DNAH17: variants seen among roughly 807,000 people sequenced by gnomAD.
The protein encoded by DNAH17 is dynein axonemal heavy chain 17, also known as axonemal beta dynein heavy chain 17.
A neutral mutation model predicts 485.6 loss-of-function variants in DNAH17; 376 were observed. That is an observed-to-expected ratio of 0.77 (90% CI 0.71 to 0.84). The LOEUF is 0.84. Among genes scored for constraint, DNAH17 ranks in the 40% least tolerant of loss-of-function variants. DNAH17 has a pLI of 0.00. For synonymous variants in DNAH17, 3,031 were observed against 2,405.9 expected, an observed-to-expected ratio of 1.26 and a Z score of -7.60; for missense variants, 6,370 against 5,839.3, an observed-to-expected ratio of 1.09 and a Z score of -2.96.
chr17:78,500,211 T>C (rs2090226680), intron 36 of DNAH17, 94 bp downstream of exon 36: 1 of 1,368,858 alleles, frequency 7.3e-7, no homozygotes, highest in Non-Finnish European at 9.8e-7. Flanking sequence ...TCCAGAGATC[T>C]GGAGTTTACT....
Position 78,490,735 on chromosome 17 carries a change from A to G in DNAH17, c.6782T>C (p.Ile2261Thr). Reference protein sequence around the residue: ...ATPATVSRAGILYINPADLGW... With the variant: ...ATPATVSRAGTLYINPADLGW... The stretch of plus-strand genomic sequence containing the variant: ...CAGGTCGGCTGGGTTGATGTAGAGG[A>G]TGCCGGCTCTGGAAACGGTGGCTGG... Residue 2261 changes from isoleucine to threonine, a missense_variant, in exon 44 of 81, where the codon ATC becomes ACC. Transcript: ENST00000389840. 6.2e-7 allele frequency: 1 copy of G among 1,607,998 alleles called. No homozygotes were observed. Among genetic ancestry groups the G allele is most frequent in the Non-Finnish European group, 8.5e-7 (1 of 1,177,312 alleles).
chr17:78,485,716 G>A lies in DNAH17; in HGVS notation c.7317C>T (p.Tyr2439=), dbSNP rs1486376694. 1 of 1,614,042 alleles carries A rather than the reference G, an allele frequency of 6.2e-7. No homozygotes were observed. ...VHTTETIRIR[Y]FMDLLMEKSW... ...ACTTCTCCATGAGCAGGTCCATGAAGTAGCGGATGCGGATGGTTTCCGTGG... is the reference window on the plus strand; with the variant it reads ...ACTTCTCCATGAGCAGGTCCATGAAATAGCGGATGCGGATGGTTTCCGTGG... Residue 2439 remains tyrosine, a synonymous_variant, in exon 47 of 81, where the codon TAC becomes TAT. Transcript: ENST00000389840.
chr17:78,501,044 G>C, intron 35 of DNAH17, 140 bp downstream of exon 35: 1 of 1,003,372 alleles, frequency 1.0e-6, no homozygotes, highest in Non-Finnish European at 1.4e-6. Flanking sequence ...TGGTAGAACT[G>C]AATGTGAACA....
chr17:78,537,999 G>T (rs1332981073), intron 18 of DNAH17, among the ~76,000 whole-genome samples: 5 of 152,058 alleles, frequency 3.3e-5, no homozygotes, highest in Non-Finnish European at 1.5e-5. Flanking sequence ...TAATTAGCTG[G>T]GCCTGGTGGT....
chr17:78,508,994 TCTCA>T (rs1345261087), intron 27 of DNAH17, among the ~76,000 whole-genome samples: 1 of 125,058 alleles, frequency 8.0e-6, no homozygotes, highest in Non-Finnish European at 1.7e-5. Flanking sequence ...TGAGATGGAG[TCTCA>T]CTTTGTCACC....
intron 27 of DNAH17, among the ~76,000 whole-genome samples, chr17:78,508,021 C>A (rs1047562511): frequency 6.6e-6 from 1 of 152,132 alleles, no homozygotes; most frequent in Admixed American, 6.5e-5. Context: ...GAACATAAGC[C>A]ACTAAAGGAA....
In DNAH17 at chr17:78,485,805, C is replaced by A. The variant is rs748506817; in HGVS notation, c.7276-48G>T. The A allele has an allele frequency of 3.1e-6, 5 of 1,598,188 alleles. No individual in the cohort carries two copies. The Admixed American group carries it at 6.7e-5, about 21-fold the overall frequency. ...AGGGAGCTGTGATTCTCAGACACTT[C>A]TGCCTCTCGTGGGTGTGCAGGCCAT... On this transcript the variant is annotated intron_variant, in intron 46 of 80. Coordinates refer to ENST00000389840, the MANE Select transcript of DNAH17 (RefSeq NM_173628.4).
intron 71 of DNAH17, among the ~76,000 whole-genome samples, chr17:78,444,318 C>T (rs1031404551): frequency 2.0e-5 from 3 of 152,086 alleles, no homozygotes; most frequent in South Asian, 2.1e-4. Flanking sequence ...GTCAGGTTAG[C>T]GGGGGACAAG....
In DNAH17 at chr17:78,506,921, G is replaced by A. The variant is rs574082907; in HGVS notation, c.4677-75C>T. ...GATGTCTGCCACCCACCCTGTCGGC[G>A]AAGGAAACTGATCATCCTGGAGATG... is the stretch of plus-strand genomic sequence containing the variant. On this transcript the variant is annotated intron_variant, in intron 29 of 80. Transcript: ENST00000389840. 289 of 1,578,714 alleles carry A rather than the reference G, an allele frequency of 1.8e-4. 2 individuals are homozygous for A. Among genetic ancestry groups the A allele is most frequent in the South Asian group, 1.3e-3 (117 of 88,476 alleles).
chr17:78,479,989 T>G (rs74586403), intron 49 of DNAH17, among the ~76,000 whole-genome samples: 4,239 of 146,884 alleles, frequency 0.029, 87 homozygotes, highest in Non-Finnish European at 0.046. Context: ...CTGCTAAATC[T>G]GAATTTCAGA....
intron 26 of DNAH17, among the ~76,000 whole-genome samples, chr17:78,514,073 G>A (rs2090710123): frequency 6.6e-6 from 1 of 152,104 alleles, no homozygotes; most frequent in African/African-American, 2.4e-5. Context: ...CTGAGTTCCT[G>A]GGGTCATGAG....
At chr17:78,486,919 G>A (rs138507576) in intron 44 of DNAH17, among the ~76,000 whole-genome samples, 1 of 152,064 alleles carries the variant, frequency 6.6e-6, no homozygotes, top group East Asian at 1.9e-4. Context: ...ACAAGGATAG[G>A]AGCAGGGACA....
intron 42 of DNAH17, among the ~76,000 whole-genome samples, chr17:78,492,019 G>A (rs1408017538): frequency 6.6e-6 from 1 of 152,130 alleles, no homozygotes; most frequent in Non-Finnish European, 1.5e-5. Flanking sequence ...GAAGTGAGCT[G>A]TACATGCAGA....
rs748649991 is a variant in DNAH17, at chr17:78,466,739, C to A, written c.8856G>T (p.Thr2952=). The change falls in exon 56 of 81, where the codon ACG becomes ACT. Residue 2952 remains threonine (T), a synonymous_variant. Transcript: ENST00000389840. ...ARKFPAVVNC[T]AIDWFHEWPE... ...GCCACTCGTGGAACCAGTCGATGGC[C>A]GTGCAGTTGACCACAGCTGGGAACT... is the stretch of plus-strand genomic sequence containing the variant. 3 of 1,612,934 alleles carry A rather than the reference C, an allele frequency of 1.9e-6. No homozygotes were observed. Among genetic ancestry groups the A allele is most frequent in the Non-Finnish European group, 2.5e-6 (3 of 1,179,554 alleles).
At chr17:78,542,502 C>T (rs1358980557) in intron 17 of DNAH17, among the ~76,000 whole-genome samples, 1 of 152,190 alleles carries the variant, frequency 6.6e-6, no homozygotes, top group East Asian at 1.9e-4. Flanking sequence ...CAAAGCTCCA[C>T]CTTTCACATT....
At chr17:78,492,014 G>A (rs1299602905) in intron 42 of DNAH17, among the ~76,000 whole-genome samples, 1 of 152,170 alleles carries the variant, frequency 6.6e-6, no homozygotes, top group East Asian at 1.9e-4. Context: ...TAGGGGAAGT[G>A]AGCTGTACAT....
intron 48 of DNAH17, among the ~76,000 whole-genome samples, chr17:78,484,460 G>T (rs916014691): frequency 6.6e-6 from 1 of 152,268 alleles, no homozygotes; most frequent in East Asian, 1.9e-4. Context: ...TCCCAGCTGG[G>T]AGGCTCCTCT....
chr17:78,433,923 A>AGGAAGGAGGGAGGGAG (rs1555650715), intron 75 of DNAH17, 106 bp downstream of exon 75: 368 of 558,060 alleles, frequency 6.6e-4, no homozygotes, highest in East Asian at 1.1e-3. Flanking sequence ...AAGGGAGGGA[A>AGGAAGGAGGGAGGGAG]GGAAGGAGGG....
intron 69 of DNAH17, among the ~76,000 whole-genome samples, chr17:78,447,415 G>C (rs55888180): frequency 0.078 from 11,912 of 152,182 alleles, 517 homozygotes; most frequent in Middle Eastern, 0.14. Context: ...GCAGGGTCTG[G>C]GTCATTTTGA....
Sources: allele counts gnomAD v4.1 joint callset (sites outside exome capture counted in the v4.1 genomes callset), GRCh38; gene constraint gnomAD v4.1.1; transcripts MANE v1.5; gene names NCBI Gene and HGNC (gene_info 2026-07-23, HGNC 2026-07-21).